The following PCYOX1L variants were observed in gnomAD, a reference collection of about 807,000 sequenced individuals.
The protein encoded by PCYOX1L is prenylcysteine oxidase 1 like.
In PCYOX1L, 40 loss-of-function variants were observed where a neutral mutation model predicts 44.1. The observed-to-expected ratio is 0.91, with a 90% CI of 0.70 to 1.18. PCYOX1L has a LOEUF of 1.18. Ranked by LOEUF, PCYOX1L falls within the 50% of genes most tolerant of loss-of-function variation. The pLI is 0.00. For missense variants in PCYOX1L, 605 were observed against 653.3 expected (o/e 0.93, Z 0.81); for synonymous variants, 266 against 282.8 (o/e 0.94, Z 0.60).
intron 4 of PCYOX1L, 64 bp downstream of exon 4, chr5:149,366,217 T>C: frequency 6.5e-7 from 1 of 1,540,388 alleles, no homozygotes. Context: ...CAGAATGGGC[T>C]GGGGGTCCCC....
chr5:149,363,432 TG>T (rs1758086103), intron 2 of PCYOX1L: 1 of 237,426 alleles, frequency 4.2e-6, no homozygotes, highest in African/African-American at 2.2e-5. Context: ...AGCAAAAGGC[TG>T]AAAGTATCCT....
At chr5:149,362,143 C>A in intron 1 of PCYOX1L, 1 of 166,886 alleles carries the variant, frequency 6.0e-6, no homozygotes, top group Non-Finnish European at 1.3e-5. Context: ...AGCATCATGG[C>A]TGTGTTTCAA....
chr5:149,364,134 C>T lies in PCYOX1L; in HGVS notation c.394C>T (p.Arg132Cys), dbSNP rs780109318. The T allele has an allele frequency of 6.2e-6, 10 of 1,614,010 alleles. No individual in the cohort carries two copies. In the South Asian group the frequency reaches 7.7e-5, roughly 12 times the overall value. The change falls in exon 3 of 6, where the codon CGC (arginine) becomes TGC (cysteine). Residue 132 changes from arginine (R) to cysteine (C), a missense_variant. By Grantham distance (180) the Arg-to-Cys change is radical. Transcript: ENST00000274569. ...TGACTGGTACCTGCTGAACCTCTTC[C>T]GCCTCTGGTGGCACTATGGCATCAG... ...ETDWYLLNLF[R>C]LWWHYGISFL...
chr5:149,368,461 G>A lies in PCYOX1L; in HGVS notation c.1292G>A (p.Arg431His), dbSNP rs372886113. Residue 431 changes from arginine (R) to histidine (H), a missense_variant, in exon 6 of 6, where the codon CGC (arginine) becomes CAC (histidine). By Grantham distance (29) the Arg-to-His change is conservative (BLOSUM62 0). Coordinates refer to ENST00000274569, the MANE Select transcript of PCYOX1L (RefSeq NM_024028.4). ...EWQAHPLYGS[R>H]PTLPRFALHD... ...CAGGCCCATCCCCTCTATGGCTCCC[G>A]CCCCACGCTCCCGAGGTTTGCACTC... 4.0e-5 allele frequency: 65 copies of A among 1,612,838 alleles called. No homozygotes were observed. The highest frequency in any genetic ancestry group is 2.5e-4 in the East Asian group (11 of 44,830).
At position 149,369,228 on chromosome 5, in the gene PCYOX1L, A is replaced by G. The variant is rs1439734905; in HGVS notation, c.*574A>G. 1 of 152,244 alleles carries G rather than the reference A, an allele frequency of 6.6e-6. No homozygotes were observed. The highest frequency in any genetic ancestry group is 1.5e-5 in the Non-Finnish European group (1 of 68,080). 9.4% of individuals were successfully genotyped at this position (152,244 alleles called of 1,614,324 possible). On this transcript the variant is annotated 3_prime_UTR_variant, in exon 6 of 6. Transcript: ENST00000274569. ...TCTCCAAGCCTGTCAACATCACTGC[A>G]TATTGGAGGAGATGACTGTGGTAGG... is the stretch of plus-strand genomic sequence containing the variant.
chr5:149,367,482 G>A lies in PCYOX1L; in HGVS notation c.805G>A (p.Val269Met), dbSNP rs938242434. 4 of 1,613,856 alleles carry A rather than the reference G, an allele frequency of 2.5e-6. No homozygotes were observed. Among genetic ancestry groups the A allele is most frequent in the Non-Finnish European group, 3.4e-6 (4 of 1,179,886 alleles). The change falls in exon 5 of 6, where the codon GTG becomes ATG. Residue 269 changes from valine to methionine, a missense_variant. Transcript: ENST00000274569. ...TGTGATCCATGCCACAGTGACCTCT[G>A]TGACCCTGCACAGCACAGGTGAGTA... ...ANVIHATVTS[V>M]TLHSTEGKAL...
rs1157405714 is a variant in PCYOX1L, at chr5:149,358,089, GCTCGCCGCGTTGACCGCGCTC to G, written c.30_50del (p.Leu11_Ala17del). On this transcript the variant is annotated inframe_deletion, in exon 1 of 6. Transcript: ENST00000274569. Reference sequence around the variant, plus strand: ...CCGCCATGGCCCGCGCAGCCCCGCTGCTCGCCGCGTTGACCGCGCTCCTCGCCGCCGCCGCTGCTGGCGGAG... The same window carrying G: ...CCGCCATGGCCCGCGCAGCCCCGCTGCTCGCCGCCGCCGCTGCTGGCGGAG... The G allele has an allele frequency of 1.4e-6, 2 of 1,437,090 alleles. No individual in the cohort carries two copies. Among genetic ancestry groups the G allele is most frequent in the Non-Finnish European group, 1.8e-6 (2 of 1,097,184 alleles). 89.0% of individuals were successfully genotyped at this position (1,437,090 alleles called of 1,614,324 possible).
At chr5:149,363,797 C>T in intron 2 of PCYOX1L, 1 of 503,934 alleles carries the variant, frequency 2.0e-6, no homozygotes, top group Non-Finnish European at 3.5e-6. Context: ...CTGAATTTCC[C>T]TCACTTGTGG....
rs375204595 is a variant in PCYOX1L at position 149,364,215 on chromosome 5, G to C, written c.470+5G>C. On this transcript the variant is annotated splice_donor_5th_base_variant and intron_variant, in intron 3 of 5. Coordinates refer to ENST00000274569, the MANE Select transcript of PCYOX1L (RefSeq NM_024028.4). Reference sequence around the variant, plus strand: ...GGTCATGGAGAAGTTCATGAGGTAGGGCTGGCAGAGCTGTGGGGATGGCGT... The same window carrying C: ...GGTCATGGAGAAGTTCATGAGGTAGCGCTGGCAGAGCTGTGGGGATGGCGT... 1 of 1,613,722 alleles carries C rather than the reference G, an allele frequency of 6.2e-7. No individual in the cohort carries two copies. Among genetic ancestry groups the C allele is most frequent in the African/African-American group, 1.3e-5 (1 of 74,934 alleles).
chr5:149,364,947 T>G (rs1430981596), intron 3 of PCYOX1L: 1 of 152,492 alleles, frequency 6.6e-6, no homozygotes, highest in Non-Finnish European at 1.5e-5. Flanking sequence ...CTCCTGAAGG[T>G]GCTCCCTGCT....
chr5:149,358,811 C>T (rs573838375), intron 1 of PCYOX1L, among the ~76,000 whole-genome samples: 1 of 152,204 alleles, frequency 6.6e-6, no homozygotes, highest in South Asian at 2.1e-4. Flanking sequence ...TTCCCCAATA[C>T]TTTATTTTGA....
chr5:149,367,097 A>G (rs939322068), intron 4 of PCYOX1L, among the ~76,000 whole-genome samples: 1 of 151,978 alleles, frequency 6.6e-6, no homozygotes, highest in African/African-American at 2.4e-5. Flanking sequence ...GTTTCTGTGG[A>G]TTTGCCTAGT....
At chr5:149,366,223 TCC>T in intron 4 of PCYOX1L, 70 bp downstream of exon 4, 2 of 1,506,128 alleles carry the variant, frequency 1.3e-6, no homozygotes, top group Non-Finnish European at 1.8e-6. Flanking sequence ...GGGCTGGGGG[TCC>T]CCATAATAAC....
chr5:149,367,335 A>T, intron 4 of PCYOX1L, 25 bp from the exon 5 acceptor site: 1 of 1,598,306 alleles, frequency 6.3e-7, no homozygotes, highest in Non-Finnish European at 8.5e-7. Flanking sequence ...ACAACCTATC[A>T]GCACCCACTT....
rs976045368 is a variant in PCYOX1L at position 149,358,054 on chromosome 5, C to T, written c.-15C>T. On this transcript the variant is annotated 5_prime_UTR_variant, in exon 1 of 6. Coordinates refer to ENST00000274569, the MANE Select transcript of PCYOX1L (RefSeq NM_024028.4). ...TAGCGCCTGAATCCGGCGTGCTGCC[C>T]GCTCGCCGCCCGCCATGGCCCGCGC... 4 of 1,329,174 alleles carry T rather than the reference C, an allele frequency of 3.0e-6. No individual in the cohort carries two copies. The highest frequency in any genetic ancestry group is 4.0e-5 in the South Asian group (2 of 50,118). 82.3% of individuals were successfully genotyped at this position (1,329,174 alleles called of 1,614,324 possible). A position where few individuals can be genotyped will look rare whatever the true frequency, so the allele number is the denominator to read the frequency against.
At position 149,368,736 on chromosome 5, in the gene PCYOX1L, G is replaced by A. The variant is rs780190756; in HGVS notation, c.*82G>A. ...AGCAGCCCAGGACTGAATAAGCCATGCTCGCCCACCAGGCTTCTTTCTGAC... is the reference window on the plus strand; with the variant it reads ...AGCAGCCCAGGACTGAATAAGCCATACTCGCCCACCAGGCTTCTTTCTGAC... On this transcript the variant is annotated 3_prime_UTR_variant, in exon 6 of 6. Transcript: ENST00000274569. 2.9e-4 allele frequency: 392 copies of A among 1,365,894 alleles called. No individual in the cohort carries two copies. Among genetic ancestry groups the A allele is most frequent in the Non-Finnish European group, 3.0e-4 (311 of 1,035,396 alleles). The allele number at this position is 1,365,894 out of a possible 1,614,324, so 84.6% of individuals were successfully genotyped here.
At chr5:149,365,511 A>T in intron 3 of PCYOX1L, 1 of 214,138 alleles carries the variant, frequency 4.7e-6, no homozygotes, top group South Asian at 7.6e-5. Flanking sequence ...GGACTGGCAG[A>T]GAAGGTGACA....
rs573034725 is a variant in PCYOX1L at position 149,368,015 on chromosome 5, G to A, written c.846G>A (p.Val282=). 37 of 1,543,982 alleles carry A rather than the reference G, an allele frequency of 2.4e-5. No individual in the cohort carries two copies. The East Asian group carries it at 7.0e-4, about 29-fold the overall frequency. ...CAGAGGGGAAAGCCCTGTACCAGGT[G>A]GCGTATGAGAATGAGGTAGGCAACA... ...HSTEGKALYQ[V]AYENEVGNSS... Residue 282 remains valine (V), a synonymous_variant, in exon 6 of 6, where the codon GTG becomes GTA. Coordinates refer to ENST00000274569, the MANE Select transcript of PCYOX1L (RefSeq NM_024028.4).
chr5:149,364,198 A>G lies in PCYOX1L; in HGVS notation c.458A>G (p.Glu153Gly). 6.2e-7 allele frequency: 1 copy of G among 1,613,916 alleles called. No homozygotes were observed. The highest frequency in any genetic ancestry group is 8.5e-7 in the Non-Finnish European group (1 of 1,179,918). ...RLQMWVEEVM[E>G]KFMRIYKYQA... is the part of the protein sequence containing the mutation. ...CAGATGTGGGTGGAGGAGGTCATGG[A>G]GAAGTTCATGAGGTAGGGCTGGCAG... is the stretch of plus-strand genomic sequence containing the variant. The change falls in exon 3 of 6, where the codon GAG (glutamate) becomes GGG (glycine). Residue 153 changes from glutamate (E) to glycine (G), a missense_variant. Glu to Gly is a moderately conservative substitution (Grantham distance 98). Coordinates refer to ENST00000274569, the MANE Select transcript of PCYOX1L (RefSeq NM_024028.4).
Sources: allele counts gnomAD v4.1 joint callset (sites outside exome capture counted in the v4.1 genomes callset), GRCh38; gene constraint gnomAD v4.1.1; transcripts MANE v1.5; gene names NCBI Gene and HGNC (gene_info 2026-07-23, HGNC 2026-07-21).